The following FUT9 variants were observed in gnomAD, a reference collection of about 807,000 sequenced individuals.
FUT9 encodes 4-galactosyl-N-acetylglucosaminide 3-alpha-L-fucosyltransferase 9.
FUT9 carries 15 observed loss-of-function variants against 29.7 expected under a neutral mutation model. The observed-to-expected ratio is 0.51, with a 90% confidence interval of 0.34 to 0.78. The LOEUF (loss-of-function observed/expected upper bound fraction) is 0.78, where lower values mean the gene tolerates loss of function less well. FUT9 is among the 30% of genes least tolerant of loss of function. FUT9 has a pLI of 0.01. For synonymous variants in FUT9, 169 were observed against 153.7 expected, an observed-to-expected ratio of 1.10 and a Z score of -0.74; for missense variants, 319 against 425.4, an observed-to-expected ratio of 0.75 and a Z score of 2.20.
chr6:96,145,045 C>A (rs942870039), intron 2 of FUT9, among the ~76,000 whole-genome samples: 1 of 151,372 alleles, frequency 6.6e-6, no homozygotes, highest in Non-Finnish European at 1.5e-5. Context: ...TATTATTATT[C>A]TTTATTATTT....
chr6:96,077,182 T>C (rs897440830), intron 1 of FUT9, among the ~76,000 whole-genome samples: 1 of 152,120 alleles, frequency 6.6e-6, no homozygotes, highest in Non-Finnish European at 1.5e-5. Context: ...GTTTTTGACT[T>C]TGTGTTATGG....
intron 2 of FUT9, among the ~76,000 whole-genome samples, chr6:96,186,770 A>G (rs987329609): frequency 6.6e-6 from 1 of 152,134 alleles, no homozygotes; most frequent in Non-Finnish European, 1.5e-5. Context: ...ACCTGAGGAC[A>G]GAAGATCCAT....
At chr6:96,074,752 A>T (rs1187076337) in intron 1 of FUT9, among the ~76,000 whole-genome samples, 1 of 152,114 alleles carries the variant, frequency 6.6e-6, no homozygotes, top group East Asian at 1.9e-4. Flanking sequence ...GCAATAAAGT[A>T]ATTAGATGGT....
At chr6:96,120,437 A>AT (rs1321568191) in intron 2 of FUT9, among the ~76,000 whole-genome samples, 10 of 148,602 alleles carry the variant, frequency 6.7e-5, no homozygotes, top group South Asian at 2.1e-4. Flanking sequence ...CGCCCAGCTA[A>AT]TTTTTTTTTA....
At chr6:96,110,734 T>C (rs1431961935) in intron 1 of FUT9, among the ~76,000 whole-genome samples, 1 of 152,188 alleles carries the variant, frequency 6.6e-6, no homozygotes, top group Non-Finnish European at 1.5e-5. Context: ...TGATCATCTA[T>C]AACCTCAAAC....
intron 1 of FUT9, among the ~76,000 whole-genome samples, chr6:96,111,586 A>ACACAC (rs1347630946): frequency 7.4e-6 from 1 of 135,588 alleles, no homozygotes; most frequent in African/African-American, 2.8e-5. Flanking sequence ...CACACACACA[A>ACACAC]ATCTGAGTTA....
chr6:96,172,171 T>A (rs1033988106), intron 2 of FUT9, among the ~76,000 whole-genome samples: 5 of 152,092 alleles, frequency 3.3e-5, no homozygotes, highest in Non-Finnish European at 2.9e-5. Flanking sequence ...CTAATTCTAT[T>A]TATGGGAGAG....
chr6:96,029,330 CT>C (rs1234769001), intron 1 of FUT9, among the ~76,000 whole-genome samples: 3 of 151,502 alleles, frequency 2.0e-5, no homozygotes, highest in African/African-American at 7.3e-5. Flanking sequence ...TATATGTGGA[CT>C]TCCACTAGGT....
chr6:96,142,382 T>C (rs1772480119), intron 2 of FUT9, among the ~76,000 whole-genome samples: 1 of 152,246 alleles, frequency 6.6e-6, no homozygotes, highest in African/African-American at 2.4e-5. Context: ...AGCAGAGGTC[T>C]GGGCTATGTC....
chr6:96,018,684 A>G (rs1770020989), intron 1 of FUT9, among the ~76,000 whole-genome samples: 1 of 152,104 alleles, frequency 6.6e-6, no homozygotes, highest in Non-Finnish European at 1.5e-5. Flanking sequence ...TTATAAAGAG[A>G]TATTTAAAAT....
At chr6:96,184,483 C>CTTCTTCTGGG (rs1773369106) in intron 2 of FUT9, among the ~76,000 whole-genome samples, 1 of 151,512 alleles carries the variant, frequency 6.6e-6, no homozygotes, top group Admixed American at 6.6e-5. Flanking sequence ...TATTTCCTTT[C>CTTCTTCTGGG]TTCTTCTGGG....
chr6:96,187,371 C>T (rs988642789), intron 2 of FUT9, among the ~76,000 whole-genome samples: 1 of 152,098 alleles, frequency 6.6e-6, no homozygotes, highest in Non-Finnish European at 1.5e-5. Flanking sequence ...GGTCAAGGAA[C>T]CACTGAATTT....
At chr6:96,148,713 G>A (rs1772619238) in intron 2 of FUT9, among the ~76,000 whole-genome samples, 1 of 152,110 alleles carries the variant, frequency 6.6e-6, no homozygotes, top group Non-Finnish European at 1.5e-5. Flanking sequence ...TTTTTAAAAA[G>A]TGGCCACTCC....
At chr6:96,069,333 G>A (rs1192330218) in intron 1 of FUT9, among the ~76,000 whole-genome samples, 2 of 142,182 alleles carry the variant, frequency 1.4e-5, no homozygotes, top group Admixed American at 7.1e-5. Flanking sequence ...AAAAAAAAAA[G>A]TAAAGACAAG....
At chr6:96,087,390 CAGACTCTCACTCTGTT>C (rs1334014028) in intron 1 of FUT9, among the ~76,000 whole-genome samples, 9 of 116,802 alleles carry the variant, frequency 7.7e-5, no homozygotes, top group African/African-American at 3.0e-4. Context: ...TTTTTTGAGA[CAGACTCTCACTCTGTT>C]ACCAGGCTGG....
At chr6:96,062,186 T>C (rs748852100) in intron 1 of FUT9, among the ~76,000 whole-genome samples, 2 of 151,216 alleles carry the variant, frequency 1.3e-5, no homozygotes, top group Non-Finnish European at 3.0e-5. Flanking sequence ...ACTTAAACTG[T>C]AATAATGAAA....
At chr6:96,050,820 T>G (rs1197884776) in intron 1 of FUT9, among the ~76,000 whole-genome samples, 1 of 152,230 alleles carries the variant, frequency 6.6e-6, no homozygotes, top group Non-Finnish European at 1.5e-5. Context: ...TCTCTTTTTC[T>G]TTTTCTTTTT....
rs544771344 is a variant in FUT9 at position 96,214,796 on chromosome 6, T to C, written c.*10561T>C. ...GAAGGTAATTTCATTGCTATGTTAT[T>C]AAAATGATGGGAATCCTATTTATAC... On this transcript the variant is annotated 3_prime_UTR_variant, in exon 3 of 3. Transcript: ENST00000302103. 1 of 167,090 alleles carries C rather than the reference T, an allele frequency of 6.0e-6. No homozygotes were observed. The highest frequency in any genetic ancestry group is 2.1e-4 in the South Asian group (1 of 4,828). The allele number at this position is 167,090 out of a possible 1,614,324, so 10.4% of individuals were successfully genotyped here.
At position 96,204,199 on chromosome 6, in the gene FUT9, G is replaced by A; in HGVS notation, c.1044G>A (p.Lys348=). The change falls in exon 3 of 3, where the codon AAG becomes AAA. Residue 348 remains lysine (K), a synonymous_variant. Coordinates refer to ENST00000302103, the MANE Select transcript of FUT9 (RefSeq NM_006581.4). ...CDHVKRHQEY[K]SVGNLEKWFW... ...ATGTGAAAAGGCATCAAGAATATAA[G>A]TCTGTTGGTAATTTAGAGAAATGGT... is the stretch of plus-strand genomic sequence containing the variant. 1 of 1,451,624 alleles carries A rather than the reference G, an allele frequency of 6.9e-7. No homozygotes were observed. Among genetic ancestry groups the A allele is most frequent in the South Asian group, 1.7e-5 (1 of 57,246 alleles). The allele number at this position is 1,451,624 out of a possible 1,614,324, so 89.9% of individuals were successfully genotyped here. A position where few individuals can be genotyped will look rare whatever the true frequency, so the allele number is the denominator to read the frequency against.
Sources: allele counts gnomAD v4.1 joint callset (sites outside exome capture counted in the v4.1 genomes callset), GRCh38; gene constraint gnomAD v4.1.1; transcripts MANE v1.5; gene names NCBI Gene and HGNC (gene_info 2026-07-23, HGNC 2026-07-21).